Variants in MYO9B observed in about 807,000 individuals in gnomAD.
The protein encoded by MYO9B is myosin IXB, also known as unconventional myosin-IXb.
MYO9B carries 71 observed loss-of-function variants against 229.5 expected under a neutral mutation model. The ratio of observed to expected loss-of-function variants is 0.31; its 90% CI spans 0.26 to 0.38. MYO9B has a LOEUF of 0.38. MYO9B is among the 10% of genes least tolerant of loss of function. The pLI, the probability that MYO9B is intolerant of heterozygous loss-of-function variation, is 1.00. For synonymous variants in MYO9B, 1,185 were observed against 1,235.8 expected, an observed-to-expected ratio of 0.96 and a Z score of 0.86; for missense variants, 2,255 against 2,920.5, an observed-to-expected ratio of 0.77 and a Z score of 5.25.
chr19:17,210,902 G>A, intron 38 of MYO9B, 54 bp downstream of exon 38: 2 of 1,560,414 alleles, frequency 1.3e-6, no homozygotes, highest in Non-Finnish European at 1.7e-6. Context: ...AAGCTGGAGT[G>A]CAGGTTCCAT....
intron 10 of MYO9B, among the ~76,000 whole-genome samples, chr19:17,165,699 C>T (rs1004898438): frequency 3.9e-5 from 6 of 152,090 alleles, no homozygotes; most frequent in Non-Finnish European, 8.8e-5. Context: ...CACTCGAGCC[C>T]AGGAGTTTGA....
intron 3 of MYO9B, among the ~76,000 whole-genome samples, chr19:17,152,203 C>T (rs1362342522): frequency 6.8e-6 from 1 of 147,744 alleles, no homozygotes; most frequent in African/African-American, 2.5e-5. Flanking sequence ...AAAAAAAAAC[C>T]CACAAGGACA....
intron 2 of MYO9B, among the ~76,000 whole-genome samples, chr19:17,107,246 A>G (rs996735335): frequency 5.3e-5 from 8 of 152,084 alleles, no homozygotes; most frequent in Non-Finnish European, 1.0e-4. Flanking sequence ...AAAAATAACA[A>G]AAAAAATTTA....
intron 1 of MYO9B, among the ~76,000 whole-genome samples, chr19:17,081,982 A>G (rs2057538147): frequency 6.6e-6 from 1 of 152,128 alleles, no homozygotes; most frequent in Non-Finnish European, 1.5e-5. Flanking sequence ...CTCTGTTCTC[A>G]GTATTGCCAG....
intron 20 of MYO9B, 67 bp from the exon 21 acceptor site, chr19:17,192,679 A>C: frequency 7.1e-7 from 1 of 1,401,640 alleles, no homozygotes; most frequent in Non-Finnish European, 9.5e-7. Context: ...GGCTATGCAG[A>C]CCTCCCAGGC....
intron 15 of MYO9B, among the ~76,000 whole-genome samples, chr19:17,181,314 G>A (rs892121408): frequency 6.6e-6 from 1 of 152,202 alleles, no homozygotes; most frequent in South Asian, 2.1e-4. Flanking sequence ...ACCCGCAAAC[G>A]TGCCATCCTC....
rs2073250318 is a variant in MYO9B at position 17,213,147 on chromosome 19, T to C, written c.*837T>C. On this transcript the variant is annotated 3_prime_UTR_variant, in exon 40 of 40. Transcript: ENST00000682292. ...GCCTGAAGTCAGACCTCCCTATAGG[T>C]CAACAGGGACAACCTGGGGATCTCT... The C allele has an allele frequency of 6.6e-6, 1 of 152,168 alleles. No homozygotes were observed. The highest frequency in any genetic ancestry group is 1.5e-5 in the Non-Finnish European group (1 of 68,038). 9.4% of individuals were successfully genotyped at this position (152,168 alleles called of 1,614,324 possible).
At chr19:17,096,109 T>G (rs1455317567) in intron 1 of MYO9B, among the ~76,000 whole-genome samples, 1 of 152,138 alleles carries the variant, frequency 6.6e-6, no homozygotes, top group Non-Finnish European at 1.5e-5. Context: ...AATTCTGAAT[T>G]GGTTTCCTAT....
chr19:17,158,871 G>C (rs555169251), intron 7 of MYO9B, among the ~76,000 whole-genome samples: 2 of 152,298 alleles, frequency 1.3e-5, no homozygotes, highest in Admixed American at 1.3e-4. Context: ...CGTGCTATGT[G>C]GGAATTCTGA....
At chr19:17,113,335 TG>T (rs1482508910) in intron 2 of MYO9B, among the ~76,000 whole-genome samples, 1 of 151,724 alleles carries the variant, frequency 6.6e-6, no homozygotes, top group Non-Finnish European at 1.5e-5. Flanking sequence ...AGGGCCGGGT[TG>T]GGGAAGCAGG....
chr19:17,075,922 C>T (rs1315084854), intron 1 of MYO9B, 48 bp downstream of exon 1: 1 of 151,954 alleles, frequency 6.6e-6, no homozygotes, highest in Admixed American at 6.6e-5. Flanking sequence ...CGAAGCCTGC[C>T]TTTGGGGGCT....
intron 3 of MYO9B, among the ~76,000 whole-genome samples, chr19:17,147,142 C>T (rs2072420760): frequency 6.6e-6 from 1 of 152,216 alleles, no homozygotes; most frequent in Non-Finnish European, 1.5e-5. Context: ...TGGGTGTACC[C>T]GGTTCATCAG....
intron 2 of MYO9B, among the ~76,000 whole-genome samples, chr19:17,108,042 G>A (rs905837256): frequency 9.2e-5 from 14 of 152,150 alleles, no homozygotes; most frequent in Admixed American, 3.3e-4. Context: ...CCAGATCCGC[G>A]ATTGTCCTGG....
chr19:17,104,970 C>T (rs1450044665), intron 2 of MYO9B, among the ~76,000 whole-genome samples: 1 of 152,082 alleles, frequency 6.6e-6, no homozygotes, highest in Non-Finnish European at 1.5e-5. Context: ...TGAGTTTGGA[C>T]AAAAGTATAA....
At chr19:17,122,071 G>GATGAAACC (rs1305081373) in intron 2 of MYO9B, among the ~76,000 whole-genome samples, 2 of 152,050 alleles carry the variant, frequency 1.3e-5, no homozygotes, top group Non-Finnish European at 2.9e-5. Flanking sequence ...GTCATCTCAA[G>GATGAAACC]ATGAAACCTT....
chr19:17,182,460 G>A (rs2072872415), intron 15 of MYO9B, among the ~76,000 whole-genome samples: 1 of 151,852 alleles, frequency 6.6e-6, no homozygotes, highest in Admixed American at 6.6e-5. Flanking sequence ...CTGGAGTGCA[G>A]TGGCTCAATC....
At chr19:17,138,043 C>T (rs962516266) in intron 2 of MYO9B, among the ~76,000 whole-genome samples, 2 of 152,000 alleles carry the variant, frequency 1.3e-5, no homozygotes, top group Non-Finnish European at 2.9e-5. Flanking sequence ...TAATGTTATC[C>T]CTCTCCTAGC....
chr19:17,153,242 G>A (rs2072499053), intron 4 of MYO9B, among the ~76,000 whole-genome samples: 1 of 151,708 alleles, frequency 6.6e-6, no homozygotes, highest in Non-Finnish European at 1.5e-5. Context: ...AGAGTGCAGT[G>A]GTGTGATCCC....
chr19:17,101,637 C>A lies in MYO9B; in HGVS notation c.-58-23C>A. The A allele has an allele frequency of 6.8e-7, 1 of 1,463,104 alleles. No homozygotes were observed. The highest frequency in any genetic ancestry group is 9.0e-7 in the Non-Finnish European group (1 of 1,111,334). The allele number at this position is 1,463,104 out of a possible 1,614,324, so 90.6% of individuals were successfully genotyped here. ...ACTTCCTCCCACCATTCTGACCATG[C>A]CTGGCTCTGACCTCCCTTCTAGCTC... On this transcript the variant is annotated intron_variant, in intron 1 of 39. Coordinates refer to ENST00000682292, the MANE Select transcript of MYO9B (RefSeq NM_004145.4). This position sits in a 1 kb window ranked among gnomAD's most constrained non-coding sequence, Gnocchi z 4.7.
Sources: allele counts gnomAD v4.1 joint callset (sites outside exome capture counted in the v4.1 genomes callset), GRCh38; gene constraint gnomAD v4.1.1; non-coding constraint Gnocchi (gnomAD v3.1); transcripts MANE v1.5; gene names NCBI Gene and HGNC (gene_info 2026-07-23, HGNC 2026-07-21).